CSTPP1: variants seen among roughly 807,000 people sequenced by gnomAD.
CSTPP1 encodes centriolar satellite-associated tubulin polyglutamylase complex regulator 1, also known as UPF0705 protein C11orf49.
chr11:47,143,029 C>G, the CSTPP1 span, among the ~76,000 whole-genome samples: 4 of 152,060 alleles, frequency 2.6e-5, no homozygotes, highest in African/African-American at 9.7e-5. Context: ...CAAGGGTAAC[C>G]CACATGGCAC....
At chr11:47,112,362 C>A in the CSTPP1 span, among the ~76,000 whole-genome samples, 2 of 152,078 alleles carry the variant, frequency 1.3e-5, no homozygotes, top group African/African-American at 4.8e-5. Context: ...TGATCTGTCA[C>A]CCAGGCTGGA....
the CSTPP1 span, among the ~76,000 whole-genome samples, chr11:47,158,625 T>A: frequency 6.6e-6 from 1 of 152,144 alleles, no homozygotes; most frequent in South Asian, 2.1e-4. Flanking sequence ...AGCCTCGACC[T>A]CCCGGGCTCA....
At chr11:47,031,714 T>A in the CSTPP1 span, among the ~76,000 whole-genome samples, 787 of 149,196 alleles carry the variant, frequency 5.3e-3, 8 homozygotes, top group Non-Finnish European at 5.1e-3. Context: ...TTTTTTTTTT[T>A]TAAAAGAGAT....
chr11:46,995,070 G>A, the CSTPP1 span, among the ~76,000 whole-genome samples: 1 of 152,182 alleles, frequency 6.6e-6, no homozygotes, highest in African/African-American at 2.4e-5. Context: ...GCGTAGAGGT[G>A]TTTATAGCAT....
chr11:47,002,172 C>T, the CSTPP1 span, among the ~76,000 whole-genome samples: 7 of 148,978 alleles, frequency 4.7e-5, no homozygotes, highest in South Asian at 1.5e-3. Flanking sequence ...CATCTGGTTT[C>T]CCACAGACTC....
chr11:47,141,540 G>A, the CSTPP1 span, among the ~76,000 whole-genome samples: 1 of 151,998 alleles, frequency 6.6e-6, no homozygotes, highest in Non-Finnish European at 1.5e-5. Context: ...CTGGGGGGCA[G>A]AGGTTGTAGT....
the CSTPP1 span, among the ~76,000 whole-genome samples, chr11:47,060,114 AAAAAG>A: frequency 0.031 from 1,330 of 42,834 alleles, 7 homozygotes; most frequent in Admixed American, 0.046. Context: ...GAAAAAAAAA[AAAAAG>A]AAAAGAAAAA....
the CSTPP1 span, among the ~76,000 whole-genome samples, chr11:47,098,694 G>C: frequency 2.6e-5 from 4 of 151,882 alleles, no homozygotes; most frequent in East Asian, 7.7e-4. Flanking sequence ...TAGAGATGAG[G>C]TTTCACCATA....
the CSTPP1 span, among the ~76,000 whole-genome samples, chr11:47,081,926 CA>C: frequency 7.1e-6 from 1 of 141,470 alleles, no homozygotes. Flanking sequence ...TCTGTCTCTA[CA>C]AAAAAACCTT....
the CSTPP1 span, among the ~76,000 whole-genome samples, chr11:47,047,044 G>T: frequency 2.0e-4 from 30 of 151,818 alleles, no homozygotes; most frequent in Admixed American, 1.9e-3. Flanking sequence ...GGGATTACAG[G>T]TGCCCGCCAC....
chr11:47,029,697 T>C, the CSTPP1 span, among the ~76,000 whole-genome samples: 2 of 151,834 alleles, frequency 1.3e-5, no homozygotes, highest in African/African-American at 4.8e-5. Context: ...TGGAGGCCAA[T>C]TCATATGCTG....
At chr11:46,970,334 C>T in the CSTPP1 span, among the ~76,000 whole-genome samples, 3 of 151,440 alleles carry the variant, frequency 2.0e-5, no homozygotes, top group Non-Finnish European at 4.4e-5. Context: ...ACAAAGTAAG[C>T]ATGGCACATG....
At chr11:46,936,721 G>A in the CSTPP1 span, 4 of 1,575,472 alleles carry the variant, frequency 2.5e-6, no homozygotes, top group African/African-American at 4.1e-5. Flanking sequence ...CTTCCGCCGC[G>A]TGGGTGCCAT....
chr11:47,155,421 A>G, the CSTPP1 span, among the ~76,000 whole-genome samples: 1 of 152,130 alleles, frequency 6.6e-6, no homozygotes, highest in African/African-American at 2.4e-5. Context: ...TCTAGTGTTC[A>G]GTGGTGGTCA....
the CSTPP1 span, among the ~76,000 whole-genome samples, chr11:46,989,516 G>A: frequency 1.3e-5 from 2 of 152,250 alleles, no homozygotes; most frequent in East Asian, 1.9e-4. Flanking sequence ...GACCAGGCTG[G>A]TTTTGAACTG....
chr11:47,070,020 C>T, the CSTPP1 span, among the ~76,000 whole-genome samples: 101,923 of 152,096 alleles, frequency 0.67, 34,682 homozygotes, highest in African/African-American at 0.73. Context: ...GCCGTTGTTG[C>T]TTTTTAATTT....
At chr11:47,114,073 C>G in the CSTPP1 span, among the ~76,000 whole-genome samples, 54 of 152,264 alleles carry the variant, frequency 3.5e-4, no homozygotes, top group African/African-American at 1.1e-3. Context: ...TATGGCTAGC[C>G]AGTTTTCCCA....
the CSTPP1 span, among the ~76,000 whole-genome samples, chr11:46,981,469 A>T: frequency 6.6e-6 from 1 of 152,116 alleles, no homozygotes; most frequent in Non-Finnish European, 1.5e-5. Flanking sequence ...TTTAACTAGA[A>T]ATAAACATTT....
the CSTPP1 span, among the ~76,000 whole-genome samples, chr11:47,102,863 G>C: frequency 2.0e-5 from 3 of 152,028 alleles, no homozygotes; most frequent in African/African-American, 7.2e-5. Flanking sequence ...CTACTTGTTA[G>C]AACCAATACT....
Sources: allele counts gnomAD v4.1 joint callset (sites outside exome capture counted in the v4.1 genomes callset), GRCh38; gene constraint gnomAD v4.1.1; transcripts MANE v1.5; gene names NCBI Gene and HGNC (gene_info 2026-07-23, HGNC 2026-07-21).